PUS10: variants seen among roughly 807,000 people sequenced by gnomAD.
The protein encoded by PUS10 is tRNA pseudouridine synthase Pus10.
In PUS10, 59 loss-of-function variants were observed where a neutral mutation model predicts 75.0. That is an observed-to-expected ratio of 0.79 (90% CI 0.64 to 0.98). The LOEUF (loss-of-function observed/expected upper bound fraction) is 0.98. Ranked by LOEUF, PUS10 falls within the 50% of genes least tolerant of loss-of-function variation. The probability of loss-of-function intolerance (pLI) is 0.00; values close to 1 mark genes in which losing one functional copy is unlikely to be tolerated. For missense variants in PUS10, 650 were observed against 614.4 expected (o/e 1.06, Z -0.61); for synonymous variants, 219 against 211.6 (o/e 1.03, Z -0.30).
chr2:60,953,917 A>G lies in PUS10; in HGVS notation c.1190+16T>C, dbSNP rs1001082323. On this transcript the variant is annotated intron_variant, in intron 14 of 17. Transcript: ENST00000316752. The stretch of plus-strand genomic sequence containing the variant: ...AACGTCCCTTTTGAAATCATCTCCA[A>G]TGAGCCTACTCTTACCTTGTGACAA... The G allele has an allele frequency of 9.9e-6, 16 of 1,610,340 alleles. No homozygotes were observed. Among genetic ancestry groups the G allele is most frequent in the African/African-American group, 6.7e-5 (5 of 74,838 alleles).
chr2:60,998,084 A>G (rs565939745), intron 4 of PUS10, among the ~76,000 whole-genome samples: 29 of 152,356 alleles, frequency 1.9e-4, no homozygotes, highest in Non-Finnish European at 3.2e-4. Flanking sequence ...TCCTATACTT[A>G]AAGTTGAGAA....
chr2:61,002,645 T>C (rs1374464296), intron 4 of PUS10, among the ~76,000 whole-genome samples: 1 of 152,178 alleles, frequency 6.6e-6, no homozygotes, highest in African/African-American at 2.4e-5. Context: ...GTACATAATT[T>C]CTTGCCATAT....
chr2:60,953,957 A>G lies in PUS10; in HGVS notation c.1166T>C (p.Val389Ala), dbSNP rs764445077. The G allele has an allele frequency of 6.2e-7, 1 of 1,614,062 alleles. No individual in the cohort carries two copies. The highest frequency in any genetic ancestry group is 8.5e-7 in the Non-Finnish European group (1 of 1,179,892). Residue 389 changes from valine to alanine, a missense_variant, in exon 14 of 18, where the codon GTA becomes GCA. Transcript: ENST00000316752. ...KINNSSNKIQVRDLQLVTREA... is the reference protein window; with the variant it reads ...KINNSSNKIQARDLQLVTREA... ...CCTTGTGACAAGCTGCAAGTCACGT[A>G]CTTGGATTTTGTTAGATGAGTTATT... is the stretch of plus-strand genomic sequence containing the variant.
chr2:60,999,212 T>G (rs1032273432), intron 4 of PUS10, among the ~76,000 whole-genome samples: 9 of 152,348 alleles, frequency 5.9e-5, no homozygotes, highest in Non-Finnish European at 1.2e-4. Context: ...GGAATACTCT[T>G]TTCCCATAAA....
At chr2:60,944,015 G>C (rs554050526) in intron 17 of PUS10, among the ~76,000 whole-genome samples, 298 of 152,126 alleles carry the variant, frequency 2.0e-3, no homozygotes, top group African/African-American at 7.0e-3. Context: ...TGTGGTCCCA[G>C]CTACTCGGGA....
chr2:60,969,875 T>G (rs1217499479), intron 5 of PUS10, among the ~76,000 whole-genome samples: 1 of 152,066 alleles, frequency 6.6e-6, no homozygotes, highest in Non-Finnish European at 1.5e-5. Flanking sequence ...TCACCTGAGG[T>G]CAGGAGTTAA....
chr2:60,948,005 C>T (rs746311890), intron 16 of PUS10, 38 bp downstream of exon 16: 1 of 1,612,690 alleles, frequency 6.2e-7, no homozygotes, highest in Non-Finnish European at 8.5e-7. Flanking sequence ...CAATAGAGTT[C>T]TGGTTCGATG....
At chr2:60,989,779 C>T (rs367612556) in intron 4 of PUS10, among the ~76,000 whole-genome samples, 3 of 152,150 alleles carry the variant, frequency 2.0e-5, no homozygotes, top group East Asian at 1.9e-4. Flanking sequence ...CCACCATGCC[C>T]GGCTAATTTT....
rs116407546 is a variant in PUS10, at chr2:60,992,276, A to G, written c.468+14281T>C. Reference sequence around the variant, plus strand: ...AGTGATTCCCCTGTCTTAGCCTCCCAAAGTGCTGGGATTATAGGCATAAGC... The same window carrying G: ...AGTGATTCCCCTGTCTTAGCCTCCCGAAGTGCTGGGATTATAGGCATAAGC... On this transcript the variant is annotated intron_variant, in intron 4 of 17. Coordinates refer to ENST00000316752, the MANE Select transcript of PUS10 (RefSeq NM_144709.4). Among the ~76,000 whole-genome samples, 690 of 152,282 alleles carry G rather than the reference A, an allele frequency of 4.5e-3. 2 individuals carry two copies. Among genetic ancestry groups the G allele is most frequent in the Non-Finnish European group, 6.6e-3 (450 of 68,022 alleles).
At chr2:60,969,130 A>T (rs1676512739) in intron 5 of PUS10, among the ~76,000 whole-genome samples, 1 of 152,234 alleles carries the variant, frequency 6.6e-6, no homozygotes, top group Non-Finnish European at 1.5e-5. Flanking sequence ...CCCAAAAATG[A>T]GTTAAAACAT....
intron 1 of PUS10, among the ~76,000 whole-genome samples, chr2:61,014,100 G>A (rs1480271127): frequency 6.6e-6 from 1 of 152,024 alleles, no homozygotes; most frequent in East Asian, 1.9e-4. Context: ...AAGGTCAGGC[G>A]CAGTGGCTCA....
At chr2:60,945,643 A>G (rs1180142935) in intron 16 of PUS10, among the ~76,000 whole-genome samples, 1 of 152,194 alleles carries the variant, frequency 6.6e-6, no homozygotes, top group Non-Finnish European at 1.5e-5. Context: ...AAGGATTACC[A>G]AAGACCTACC....
In PUS10 at chr2:61,018,174, A is replaced by G. The variant is rs1680142060; in HGVS notation, c.-182T>C. ...TTCACTTTGACAGAATGGCTTCTCT[A>G]TCTTTAAAGCGTAGACTTTGGTCTG... On this transcript the variant is annotated 5_prime_UTR_variant, in exon 1 of 18. Coordinates refer to ENST00000316752, the MANE Select transcript of PUS10 (RefSeq NM_144709.4). The G allele has an allele frequency of 4.5e-6, 7 of 1,550,584 alleles. No homozygotes were observed. The highest frequency in any genetic ancestry group is 1.2e-5 in the South Asian group (1 of 84,050).
intron 17 of PUS10, among the ~76,000 whole-genome samples, chr2:60,943,800 G>C (rs1376745897): frequency 1.3e-5 from 2 of 151,786 alleles, no homozygotes; most frequent in Non-Finnish European, 2.9e-5. Flanking sequence ...GTGTGGAGGG[G>C]AGGCAAGTTG....
rs1031718686 is a variant in PUS10, at chr2:61,010,852, C to A, written c.126+913G>T. On this transcript the variant is annotated intron_variant, in intron 2 of 17. Transcript: ENST00000316752. ...CACTTAATAGCTGTGTAACTTTGGG[C>A]AGGTTGCTTAACCTCTCTGTATCTC... The A allele has an allele frequency of 1.7e-5, 26 of 1,550,266 alleles. No homozygotes were observed. In the Admixed American group the frequency reaches 4.1e-4, roughly 25 times the overall value.
At chr2:60,975,282 G>A (rs1007813697) in intron 4 of PUS10, among the ~76,000 whole-genome samples, 1 of 152,018 alleles carries the variant, frequency 6.6e-6, no homozygotes, top group Non-Finnish European at 1.5e-5. Context: ...GAGTAGCTGG[G>A]ACTACAGGTG....
chr2:60,961,091 GATA>G (rs1676001061), intron 10 of PUS10, among the ~76,000 whole-genome samples: 1 of 152,200 alleles, frequency 6.6e-6, no homozygotes, highest in South Asian at 2.1e-4. Flanking sequence ...TCATTTTGGA[GATA>G]ATAAGTTATT....
intron 3 of PUS10, among the ~76,000 whole-genome samples, chr2:61,008,409 T>C (rs1398435002): frequency 1.3e-5 from 2 of 151,988 alleles, no homozygotes; most frequent in Non-Finnish European, 2.9e-5. Flanking sequence ...GACAATTGCT[T>C]GAACCTGGGA....
intron 2 of PUS10, chr2:61,009,765 T>C (rs1410338567): frequency 1.3e-5 from 2 of 152,306 alleles, no homozygotes; most frequent in African/African-American, 2.4e-5. Flanking sequence ...TGTTTTATTA[T>C]GCCATTGTTG....
Sources: gnomAD v4.1 joint callset for allele counts (sites outside exome capture counted in the v4.1 genomes callset) on GRCh38, gnomAD v4.1.1 for gene constraint, MANE v1.5 for transcripts, NCBI Gene and HGNC (gene_info 2026-07-23, HGNC 2026-07-21) for gene names.